The following EVI5 variants were observed in gnomAD, a reference collection of about 807,000 sequenced individuals.
EVI5 encodes the protein ecotropic viral integration site 5 protein homolog.
A neutral mutation model predicts 112.0 loss-of-function variants in EVI5; 73 were observed. The ratio of observed to expected loss-of-function variants is 0.65; its 90% CI spans 0.54 to 0.79. The LOEUF (loss-of-function observed/expected upper bound fraction) is 0.79, where lower values mean the gene tolerates loss of function less well. Ranked by LOEUF, EVI5 falls within the 30% of genes least tolerant of loss-of-function variation. The pLI is 0.00. For synonymous variants in EVI5, 305 were observed against 319.9 expected, an observed-to-expected ratio of 0.95 and a Z score of 0.50; for missense variants, 900 against 968.8, an observed-to-expected ratio of 0.93 and a Z score of 0.94.
intron 5 of EVI5, 148 bp from the exon 6 acceptor site, chr1:92,698,133 G>A (rs778652775): frequency 2.9e-6 from 2 of 685,120 alleles, no homozygotes; most frequent in African/African-American, 3.6e-5. Context: ...GTAAGAATCA[G>A]AAAGTTCTAG....
At chr1:92,605,097 C>T (rs963461673) in intron 18 of EVI5, among the ~76,000 whole-genome samples, 4 of 151,874 alleles carry the variant, frequency 2.6e-5, no homozygotes, top group Non-Finnish European at 4.4e-5. Context: ...GATGGCTGCA[C>T]AACAGTGTCA....
At chr1:92,532,440 A>G (rs1212031020) in intron 19 of EVI5, among the ~76,000 whole-genome samples, 1 of 152,206 alleles carries the variant, frequency 6.6e-6, no homozygotes, top group Non-Finnish European at 1.5e-5. Flanking sequence ...CAGACCTAGT[A>G]GACATCTACA....
chr1:92,571,305 A>G (rs552736835), intron 18 of EVI5, among the ~76,000 whole-genome samples: 2 of 150,796 alleles, frequency 1.3e-5, no homozygotes, highest in African/African-American at 4.9e-5. Context: ...GAAAATTACT[A>G]TCTCAGCTTA....
intron 1 of EVI5, among the ~76,000 whole-genome samples, chr1:92,778,733 C>T (rs758729912): frequency 2.6e-5 from 4 of 152,214 alleles, no homozygotes; most frequent in Admixed American, 6.5e-5. Context: ...TGCTAATCTT[C>T]GGAGATAGAA....
chr1:92,582,296 C>T (rs534132866), intron 18 of EVI5, among the ~76,000 whole-genome samples: 22 of 152,216 alleles, frequency 1.4e-4, no homozygotes, highest in African/African-American at 4.8e-4. Context: ...TTGACTGAAA[C>T]ATCATGGGGT....
intron 14 of EVI5, among the ~76,000 whole-genome samples, chr1:92,630,563 T>C (rs1249554207): frequency 2.0e-5 from 3 of 150,602 alleles, no homozygotes; most frequent in African/African-American, 7.3e-5. Flanking sequence ...AGATTCTGGA[T>C]ATTAGCCCTT....
intron 6 of EVI5, among the ~76,000 whole-genome samples, chr1:92,695,815 T>C (rs1424154424): frequency 6.6e-6 from 1 of 152,194 alleles, no homozygotes; most frequent in Non-Finnish European, 1.5e-5. Flanking sequence ...AATGGTATGT[T>C]AAAATACTTT....
At chr1:92,643,709 C>T (rs1313323455) in intron 13 of EVI5, among the ~76,000 whole-genome samples, 1 of 152,136 alleles carries the variant, frequency 6.6e-6, no homozygotes, top group African/African-American at 2.4e-5. Flanking sequence ...TGCCAATACT[C>T]AAAATTAGTT....
At chr1:92,545,883 A>G (rs1450293149) in intron 19 of EVI5, among the ~76,000 whole-genome samples, 1 of 151,762 alleles carries the variant, frequency 6.6e-6, no homozygotes, top group Non-Finnish European at 1.5e-5. Flanking sequence ...GCCTCTGCAT[A>G]TACGCCTCTC....
chr1:92,769,938 T>C (rs529633963), intron 1 of EVI5, among the ~76,000 whole-genome samples: 55 of 152,086 alleles, frequency 3.6e-4, no homozygotes, highest in African/African-American at 1.3e-3. Context: ...ATTATCTGGG[T>C]TGTGACTGAT....
chr1:92,788,910 A>G (rs1249836675), upstream of EVI5, among the ~76,000 whole-genome samples: 6 of 152,226 alleles, frequency 3.9e-5, no homozygotes, highest in African/African-American at 1.4e-4. Flanking sequence ...GGCTGTATAC[A>G]TACACTATTT....
At chr1:92,702,773 T>C (rs1181955610) in intron 4 of EVI5, among the ~76,000 whole-genome samples, 1 of 145,858 alleles carries the variant, frequency 6.9e-6, no homozygotes, top group Non-Finnish European at 1.5e-5. Context: ...ACCGCTGCAC[T>C]CCAGCCTGGG....
At chr1:92,569,277 A>C (rs1409727559) in intron 18 of EVI5, among the ~76,000 whole-genome samples, 1 of 152,208 alleles carries the variant, frequency 6.6e-6, no homozygotes, top group Non-Finnish European at 1.5e-5. Context: ...AATTTATAGC[A>C]TTCTGAACAT....
At chr1:92,546,336 C>A (rs1665695203) in intron 19 of EVI5, among the ~76,000 whole-genome samples, 1 of 152,108 alleles carries the variant, frequency 6.6e-6, no homozygotes, top group Non-Finnish European at 1.5e-5. Flanking sequence ...ATGATAGTTT[C>A]TCAATCACCT....
rs766270193 is a variant in EVI5, at chr1:92,702,174, T to TC, written c.605dup (p.Ser203LysfsTer23). On this transcript the variant is annotated frameshift_variant, in exon 5 of 20. Transcript: ENST00000684568. LOFTEE classifies it high-confidence loss of function. The stretch of plus-strand genomic sequence containing the variant: ...GCAACAATCCAACTATAAAAGCACT[T>TC]CCTTGACAGTAACCAACCTCACGAT... The TC allele has an allele frequency of 3.3e-6, 5 of 1,516,060 alleles. No homozygotes were observed. The highest frequency in any genetic ancestry group is 5.0e-5 in the Admixed American group (2 of 40,344). 93.9% of individuals were successfully genotyped at this position (1,516,060 alleles called of 1,614,324 possible).
chr1:92,584,933 C>A (rs1360628620), intron 18 of EVI5, among the ~76,000 whole-genome samples: 1 of 152,034 alleles, frequency 6.6e-6, no homozygotes, highest in Admixed American at 6.5e-5. Context: ...TTTAAAAATA[C>A]CAGCCCAAGG....
intron 10 of EVI5, among the ~76,000 whole-genome samples, chr1:92,675,122 C>T (rs1010461666): frequency 2.0e-5 from 3 of 152,162 alleles, no homozygotes; most frequent in African/African-American, 4.8e-5. Flanking sequence ...GCAGGTGGAT[C>T]GCCTGCACTC....
Position 92,527,549 on chromosome 1 carries a change from T to A in EVI5, c.2167-13579A>T, listed in dbSNP as rs1022067585. 9.9e-5 allele frequency among the ~76,000 whole-genome samples: 15 copies of A among 152,160 alleles called. 1 individual carries two copies. In the East Asian group the frequency reaches 2.9e-3, roughly 29 times the overall value. ...TGTGTACAAGTTGGTAAAATTTTAC[T>A]TACATACATAGTCATGAAATTATCA... On this transcript the variant is annotated intron_variant, in intron 19 of 19. Transcript: ENST00000684568.
chr1:92,528,051 T>C (rs1364209793), intron 19 of EVI5, among the ~76,000 whole-genome samples: 1 of 152,188 alleles, frequency 6.6e-6, no homozygotes, highest in Non-Finnish European at 1.5e-5. Context: ...ATAGGCTCCT[T>C]ACTTTTTGCA....
Sources: gnomAD v4.1 joint callset for allele counts (sites outside exome capture counted in the v4.1 genomes callset) on GRCh38, gnomAD v4.1.1 for gene constraint, MANE v1.5 for transcripts, NCBI Gene and HGNC (gene_info 2026-07-23, HGNC 2026-07-21) for gene names.